TENT4B: variants seen among roughly 807,000 people sequenced by gnomAD.
The protein encoded by TENT4B is terminal nucleotidyltransferase 4B.
TENT4B carries 10 observed loss-of-function variants against 75.0 expected under a neutral mutation model. The observed-to-expected ratio is 0.13, with a 90% CI of 0.08 to 0.23. The LOEUF (loss-of-function observed/expected upper bound fraction) is 0.23. Ranked by LOEUF, TENT4B falls within the 10% of genes least tolerant of loss-of-function variation. TENT4B has a pLI of 1.00. For synonymous variants in TENT4B, 350 were observed against 357.7 expected, an observed-to-expected ratio of 0.98 and a Z score of 0.24; for missense variants, 579 against 893.8, an observed-to-expected ratio of 0.65 and a Z score of 4.49.
intron 1 of TENT4B, among the ~76,000 whole-genome samples, chr16:50,180,170 C>T (rs982782520): frequency 2.0e-5 from 3 of 150,950 alleles, no homozygotes; most frequent in Non-Finnish European, 4.4e-5. Context: ...ATGGTGCGAT[C>T]TCAGCTTACT....
At chr16:50,217,328 G>A (rs1047769185) in intron 4 of TENT4B, among the ~76,000 whole-genome samples, 1 of 152,032 alleles carries the variant, frequency 6.6e-6, no homozygotes, top group African/African-American at 2.4e-5. Flanking sequence ...AAAATTCTCG[G>A]TTGATAGAAA....
chr16:50,211,497 C>A (rs1339025238), intron 2 of TENT4B, 51 bp downstream of exon 2: 18 of 1,484,312 alleles, frequency 1.2e-5, no homozygotes, highest in South Asian at 1.5e-5. Context: ...TGTCCACGGG[C>A]TAGAAGCCTA....
chr16:50,229,776 T>G lies in TENT4B; in HGVS notation c.*448T>G. ...AGATTCCAAAGGGGAAAGTGATCTG[T>G]GCATGTTTTTTTTTTAAATATTTTT... is the stretch of plus-strand genomic sequence containing the variant. On this transcript the variant is annotated 3_prime_UTR_variant, in exon 12 of 12. Transcript: ENST00000561678. The G allele has an allele frequency of 2.0e-6, 2 of 980,790 alleles. No homozygotes were observed. Among genetic ancestry groups the G allele is most frequent in the Non-Finnish European group, 2.4e-6 (2 of 825,424 alleles). The allele number at this position is 980,790 out of a possible 1,614,324, so 60.8% of individuals were successfully genotyped here. A position where few individuals can be genotyped will look rare whatever the true frequency, so the allele number is the denominator to read the frequency against.
intron 1 of TENT4B, among the ~76,000 whole-genome samples, chr16:50,181,540 A>G (rs561927855): frequency 6.6e-6 from 1 of 151,096 alleles, no homozygotes; most frequent in African/African-American, 2.4e-5. Flanking sequence ...CCTGAGCTCA[A>G]GCAACTCACC....
At chr16:50,175,717 G>A (rs977345305) in intron 1 of TENT4B, among the ~76,000 whole-genome samples, 3 of 152,006 alleles carry the variant, frequency 2.0e-5, no homozygotes, top group African/African-American at 4.8e-5. Context: ...TGATCCGCCC[G>A]CCTCAGCCTC....
intron 7 of TENT4B, 145 bp from the exon 8 acceptor site, chr16:50,224,512 G>A (rs2031960689): frequency 2.3e-6 from 2 of 881,004 alleles, no homozygotes; most frequent in Non-Finnish European, 3.4e-6. Flanking sequence ...AGACTGGGGA[G>A]CTTTGGGGAC....
At chr16:50,169,174 G>T (rs1338926405) in intron 1 of TENT4B, among the ~76,000 whole-genome samples, 1 of 151,956 alleles carries the variant, frequency 6.6e-6, no homozygotes, top group Non-Finnish European at 1.5e-5. Context: ...ATTGTTTGAG[G>T]TACATTTTAA....
At chr16:50,184,834 C>T (rs1734296708) in intron 1 of TENT4B, among the ~76,000 whole-genome samples, 1 of 152,036 alleles carries the variant, frequency 6.6e-6, no homozygotes, top group South Asian at 2.1e-4. Flanking sequence ...TCTAGTGATT[C>T]TTGTGCCTCA....
Position 50,232,026 on chromosome 16 carries a change from A to G in TENT4B, c.*2698A>G, listed in dbSNP as rs1309497792. ...AATGGGATTTTACAAATTCTCCCTCACTCTGGTGACATTTCTCAGGCAGTC... is the reference window on the plus strand; with the variant it reads ...AATGGGATTTTACAAATTCTCCCTCGCTCTGGTGACATTTCTCAGGCAGTC... On this transcript the variant is annotated 3_prime_UTR_variant, in exon 12 of 12. Coordinates refer to ENST00000561678, the MANE Select transcript of TENT4B (RefSeq NM_001365324.3). The G allele has an allele frequency of 4.1e-6, 4 of 984,932 alleles. No homozygotes were observed. The South Asian group carries it at 1.4e-4, about 35-fold the overall frequency. 61.0% of individuals were successfully genotyped at this position (984,932 alleles called of 1,614,324 possible). A position where few individuals can be genotyped will look rare whatever the true frequency, so the allele number is the denominator to read the frequency against.
intron 1 of TENT4B, among the ~76,000 whole-genome samples, chr16:50,183,100 A>G (rs1338991970): frequency 1.3e-5 from 2 of 149,980 alleles, no homozygotes; most frequent in Admixed American, 6.7e-5. Context: ...CTGGAGTGCA[A>G]TGGCCCAATC....
intron 1 of TENT4B, among the ~76,000 whole-genome samples, chr16:50,157,937 G>GT (rs2037931963): frequency 4.0e-5 from 6 of 150,764 alleles, no homozygotes; most frequent in African/African-American, 1.5e-4. Context: ...GGCTCATTTT[G>GT]GTTTTTTTTG....
At position 50,229,164 on chromosome 16, in the gene TENT4B, A is replaced by G. The variant is rs899533557; in HGVS notation, c.1978A>G (p.Arg660Gly). 10 of 1,613,662 alleles carry G rather than the reference A, an allele frequency of 6.2e-6. No individual in the cohort carries two copies. Among genetic ancestry groups the G allele is most frequent in the Non-Finnish European group, 7.6e-6 (9 of 1,179,810 alleles). Reference sequence around the variant, plus strand: ...TCTGTTTCTGCAGCATGGATCAGCAAGGCTCTTTCGTTCTTCCAGCAAAGG... The same window carrying G: ...TCTGTTTCTGCAGCATGGATCAGCAGGGCTCTTTCGTTCTTCCAGCAAAGG... ...STNKSQHGSA[R>G]LFRSSSKGFQ... is the part of the protein sequence containing the mutation. The change falls in exon 12 of 12, where the codon AGG becomes GGG. Residue 660 changes from arginine (R) to glycine (G), a missense_variant. This residue lies in a region of TENT4B where 164 missense variants were observed against 226.5 expected (regional missense o/e 0.72). Coordinates refer to ENST00000561678, the MANE Select transcript of TENT4B (RefSeq NM_001365324.3).
At chr16:50,198,220 C>T (rs1442478588) in intron 1 of TENT4B, among the ~76,000 whole-genome samples, 1 of 150,414 alleles carries the variant, frequency 6.6e-6, no homozygotes, top group Non-Finnish European at 1.5e-5. Flanking sequence ...AGTTCAAGAC[C>T]ATCCTAGGCA....
At position 50,224,965 on chromosome 16, in the gene TENT4B, TGAA is replaced by T. The variant is rs763848732; in HGVS notation, c.1587_1589del (p.Lys529del). The T allele has an allele frequency of 4.3e-5, 70 of 1,613,764 alleles. No individual in the cohort carries two copies. Among genetic ancestry groups the T allele is most frequent in the Non-Finnish European group, 5.8e-5 (68 of 1,179,802 alleles). On this transcript the variant is annotated inframe_deletion, in exon 9 of 12. Coordinates refer to ENST00000561678, the MANE Select transcript of TENT4B (RefSeq NM_001365324.3). ...GATTGGATATCAAAGCAGTGGGGCTTGAAGAATAGACCTGAGCCTTCATGCAAT... is the reference window on the plus strand; with the variant it reads ...GATTGGATATCAAAGCAGTGGGGCTTGAATAGACCTGAGCCTTCATGCAAT...
chr16:50,190,201 A>G (rs1400197020), intron 1 of TENT4B, among the ~76,000 whole-genome samples: 1 of 152,028 alleles, frequency 6.6e-6, no homozygotes, highest in Non-Finnish European at 1.5e-5. Context: ...CCATAGTATA[A>G]TACTTAGTTC....
chr16:50,201,433 A>C (rs954459426), intron 1 of TENT4B, among the ~76,000 whole-genome samples: 1 of 151,956 alleles, frequency 6.6e-6, no homozygotes, highest in Non-Finnish European at 1.5e-5. Flanking sequence ...GCTACTTAGG[A>C]GGCTGAGGCA....
At chr16:50,207,128 T>C (rs2031025521) in intron 1 of TENT4B, among the ~76,000 whole-genome samples, 1 of 151,954 alleles carries the variant, frequency 6.6e-6, no homozygotes, top group Non-Finnish European at 1.5e-5. Flanking sequence ...TCATACTGCT[T>C]TTATATGACT....
At chr16:50,198,395 G>A (rs1481258084) in intron 1 of TENT4B, among the ~76,000 whole-genome samples, 1 of 143,666 alleles carries the variant, frequency 7.0e-6, no homozygotes, top group African/African-American at 2.5e-5. Context: ...CTCCAGCCTG[G>A]GTGACAAAGT....
At chr16:50,152,911 A>G (rs1276166113), upstream of TENT4B, 1 of 1,443,610 alleles carries the variant, frequency 6.9e-7, no homozygotes, top group South Asian at 1.3e-5. Flanking sequence ...GCGGAGTGGC[A>G]CCTCCCACAA....
Sources: gnomAD v4.1 joint callset for allele counts (sites outside exome capture counted in the v4.1 genomes callset) on GRCh38, gnomAD v4.1.1 for gene constraint, gnomAD v4.1.1 regional missense constraint, MANE v1.5 for transcripts, NCBI Gene and HGNC (gene_info 2026-07-23, HGNC 2026-07-21) for gene names.